BCHE: variants seen among roughly 807,000 people sequenced by gnomAD.
BCHE encodes cholinesterase.
Under a neutral mutation model 51.3 loss-of-function variants are expected in BCHE, and 48 were observed. That is an observed-to-expected ratio of 0.94 (90% CI 0.74 to 1.19). The LOEUF (loss-of-function observed/expected upper bound fraction) is 1.19, where lower values mean the gene tolerates loss of function less well. BCHE is among the 50% of genes most tolerant of loss of function. The probability of loss-of-function intolerance (pLI) is 0.00; values close to 1 mark genes in which losing one functional copy is unlikely to be tolerated. For synonymous variants in BCHE, 251 were observed against 238.0 expected (o/e 1.05, Z -0.50); for missense variants, 847 against 708.2 (o/e 1.20, Z -2.23).
At chr3:165,795,158 T>C (rs923810823) in intron 2 of BCHE, among the ~76,000 whole-genome samples, 1 of 152,192 alleles carries the variant, frequency 6.6e-6, no homozygotes, top group Non-Finnish European at 1.5e-5. Context: ...AAGAAAAATG[T>C]CTTGTAAATA....
chr3:165,802,580 G>C (rs1713698929), intron 2 of BCHE, among the ~76,000 whole-genome samples: 1 of 151,254 alleles, frequency 6.6e-6, no homozygotes, highest in Non-Finnish European at 1.5e-5. Flanking sequence ...CAAGCTGATA[G>C]AATTTGCTGA....
At chr3:165,776,990 A>C (rs1006436890) in intron 3 of BCHE, among the ~76,000 whole-genome samples, 2 of 151,872 alleles carry the variant, frequency 1.3e-5, no homozygotes, top group Non-Finnish European at 2.9e-5. Flanking sequence ...AGATAAAAGG[A>C]CAAGGGCAAA....
intron 1 of BCHE, among the ~76,000 whole-genome samples, chr3:165,836,119 AC>A (rs1468720027): frequency 6.6e-6 from 1 of 151,958 alleles, no homozygotes; most frequent in East Asian, 1.9e-4. Flanking sequence ...CAATTAAAAA[AC>A]TAGGACAATA....
At chr3:165,790,266 G>A (rs116149319) in intron 2 of BCHE, among the ~76,000 whole-genome samples, 264 of 152,170 alleles carry the variant, frequency 1.7e-3, no homozygotes, top group African/African-American at 6.2e-3. Flanking sequence ...CCTAAATATA[G>A]TAATAAAATC....
At chr3:165,793,569 T>C (rs1007470241) in intron 2 of BCHE, among the ~76,000 whole-genome samples, 19 of 152,208 alleles carry the variant, frequency 1.2e-4, no homozygotes, top group Admixed American at 4.6e-4. Context: ...TGATGTGTGG[T>C]TACCTCTTCG....
Position 165,773,495 on chromosome 3 carries a change from C to T in BCHE, c.1696G>A (p.Glu566Lys). 6.2e-7 allele frequency: 1 copy of T among 1,605,594 alleles called. No individual in the cohort carries two copies. The highest frequency in any genetic ancestry group is 8.5e-7 in the Non-Finnish European group (1 of 1,172,832). ...CCTGCTTTCCACTCCCATTCTGCTT[C>T]ATCAATATTTCCTGTAAAATATGGA... The part of the protein sequence containing the change: ...KVLEMTGNID[E>K]AEWEWKAGFH... Residue 566 changes from glutamate to lysine, a missense_variant, in exon 4 of 4, where the codon GAA becomes AAA. Physicochemically the swap from Glu to Lys is moderately conservative, Grantham distance 56 (BLOSUM62 1). Coordinates refer to ENST00000264381, the MANE Select transcript of BCHE (RefSeq NM_000055.4).
intron 2 of BCHE, among the ~76,000 whole-genome samples, chr3:165,822,392 G>A (rs964888714): frequency 6.6e-6 from 1 of 152,006 alleles, no homozygotes; most frequent in Non-Finnish European, 1.5e-5. Context: ...AATAGAGCAT[G>A]AGGAAGAACT....
At chr3:165,798,327 G>C (rs1576848357) in intron 2 of BCHE, among the ~76,000 whole-genome samples, 1 of 151,980 alleles carries the variant, frequency 6.6e-6, no homozygotes. Flanking sequence ...TGTGGATGTT[G>C]GCTAAGATAT....
chr3:165,786,266 G>C lies in BCHE; in HGVS notation c.1563C>G (p.Phe521Leu). The change falls in exon 3 of 4, where the codon TTC becomes TTG. Residue 521 changes from phenylalanine to leucine, a missense_variant. Physicochemically the swap from Phe to Leu is conservative, Grantham distance 22. Coordinates refer to ENST00000264381, the MANE Select transcript of BCHE (RefSeq NM_000055.4). ...TQNNSTSWPV[F>L]KSTEQKYLTL... ...TTAGATATTTTTGTTCAGTGCTTTT[G>C]AAGACAGGCCAGCTTGTGCTATTGT... is the stretch of plus-strand genomic sequence containing the variant. 6.2e-7 allele frequency: 1 copy of C among 1,612,030 alleles called. No homozygotes were observed. The highest frequency in any genetic ancestry group is 1.3e-5 in the African/African-American group (1 of 74,942).
intron 2 of BCHE, among the ~76,000 whole-genome samples, chr3:165,825,659 G>A (rs980232535): frequency 4.0e-5 from 6 of 151,766 alleles, no homozygotes; most frequent in Non-Finnish European, 8.8e-5. Flanking sequence ...CCATTAACTC[G>A]TCATTTAACA....
chr3:165,830,416 A>T lies in BCHE; in HGVS notation c.618T>A (p.Val206=), dbSNP rs1441583436. ...CACCAAAGGCTGCTATATTTTTTTG[A>T]ACCCACTGAAGAGCCAACTGTTGAT... The part of the protein sequence containing the change: ...LFDQQLALQW[V]QKNIAAFGGN... Residue 206 remains valine, a synonymous_variant, in exon 2 of 4, where the codon GTT becomes GTA. Coordinates refer to ENST00000264381, the MANE Select transcript of BCHE (RefSeq NM_000055.4). 26 of 1,613,714 alleles carry T rather than the reference A, an allele frequency of 1.6e-5. No individual in the cohort carries two copies. The highest frequency in any genetic ancestry group is 2.2e-5 in the Non-Finnish European group (26 of 1,179,902).
chr3:165,779,750 C>G (rs541203513), intron 3 of BCHE, among the ~76,000 whole-genome samples: 30 of 152,176 alleles, frequency 2.0e-4, no homozygotes, highest in Non-Finnish European at 3.7e-4. Flanking sequence ...AACCATTGCT[C>G]AATGAACTAA....
intron 2 of BCHE, among the ~76,000 whole-genome samples, chr3:165,810,153 A>G (rs1271405398): frequency 6.6e-6 from 1 of 152,182 alleles, no homozygotes; most frequent in African/African-American, 2.4e-5. Context: ...TGTTTCAGAT[A>G]GGCTATCTTT....
chr3:165,792,297 T>TA (rs756425401), intron 2 of BCHE, among the ~76,000 whole-genome samples: 143 of 152,030 alleles, frequency 9.4e-4, no homozygotes, highest in Non-Finnish European at 1.4e-3. Flanking sequence ...TTACTTTTGA[T>TA]AAAAAAAATC....
At chr3:165,827,722 A>G (rs1166286815) in intron 2 of BCHE, among the ~76,000 whole-genome samples, 2 of 152,112 alleles carry the variant, frequency 1.3e-5, no homozygotes, top group Non-Finnish European at 2.9e-5. Context: ...AAACATATAT[A>G]AATGATGTAA....
intron 2 of BCHE, among the ~76,000 whole-genome samples, chr3:165,793,672 T>C (rs930212327): frequency 1.3e-5 from 2 of 152,162 alleles, no homozygotes; most frequent in African/African-American, 4.8e-5. Flanking sequence ...AAAACAGTAT[T>C]CCAAACCAAG....
intron 2 of BCHE, among the ~76,000 whole-genome samples, chr3:165,821,514 A>T (rs1433457170): frequency 6.6e-6 from 1 of 151,874 alleles, no homozygotes; most frequent in Admixed American, 6.6e-5. Context: ...CTGTTATTTC[A>T]ATCCATTTTT....
chr3:165,810,351 T>C (rs1039881411), intron 2 of BCHE, among the ~76,000 whole-genome samples: 2 of 152,144 alleles, frequency 1.3e-5, no homozygotes, highest in Non-Finnish European at 2.9e-5. Context: ...CCACTCAAAA[T>C]ATCTCAATAG....
At chr3:165,786,673 A>C (rs1712968337) in intron 2 of BCHE, among the ~76,000 whole-genome samples, 1 of 151,632 alleles carries the variant, frequency 6.6e-6, no homozygotes, top group African/African-American at 2.4e-5. Context: ...TAGGCCCAAA[A>C]ATTTCACAAT....
Sources: allele counts gnomAD v4.1 joint callset (sites outside exome capture counted in the v4.1 genomes callset), GRCh38; gene constraint gnomAD v4.1.1; transcripts MANE v1.5; gene names NCBI Gene and HGNC (gene_info 2026-07-23, HGNC 2026-07-21).